MYO10: variants seen among roughly 807,000 people sequenced by gnomAD.
MYO10 encodes the protein unconventional myosin-X.
In MYO10, 133 loss-of-function variants were observed where a neutral mutation model predicts 257.3. The observed-to-expected ratio is 0.52, with a 90% CI of 0.45 to 0.60. MYO10 has a LOEUF of 0.60. MYO10 is among the 20% of genes least tolerant of loss of function. The probability of loss-of-function intolerance (pLI) is 0.00; values close to 1 mark genes in which losing one functional copy is unlikely to be tolerated. For synonymous variants in MYO10, 1,104 were observed against 1,028.6 expected (o/e 1.07, Z -1.40); for missense variants, 2,399 against 2,635.7 (o/e 0.91, Z 1.97).
chr5:16,711,362 A>C, intron 19 of MYO10, 117 bp from the exon 20 acceptor site: 1 of 1,054,122 alleles, frequency 9.5e-7, no homozygotes. Context: ...ACATACGAGA[A>C]TCTTGAACCT....
intron 3 of MYO10, among the ~76,000 whole-genome samples, chr5:16,813,453 G>A (rs910539723): frequency 5.3e-5 from 8 of 151,674 alleles, no homozygotes; most frequent in East Asian, 3.9e-4. Context: ...ATACTCAGGC[G>A]AGAGGATCAC....
intron 17 of MYO10, among the ~76,000 whole-genome samples, chr5:16,758,701 C>A (rs777212683): frequency 1.4e-4 from 21 of 152,128 alleles, no homozygotes; most frequent in Non-Finnish European, 2.4e-4. Context: ...GTTGCTTGGG[C>A]AAGATGTTTC....
intron 9 of MYO10, among the ~76,000 whole-genome samples, chr5:16,775,064 G>A (rs1048868344): frequency 9.9e-5 from 15 of 152,164 alleles, no homozygotes; most frequent in African/African-American, 3.6e-4. Flanking sequence ...AAAGACTCCT[G>A]TTACTTCATA....
chr5:16,787,266 A>C (rs921953428), intron 4 of MYO10, among the ~76,000 whole-genome samples: 3 of 152,166 alleles, frequency 2.0e-5, no homozygotes, highest in Non-Finnish European at 2.9e-5. Context: ...GGACTCTACC[A>C]GGAGGTAAGT....
In MYO10 at chr5:16,861,645, G is replaced by GT. The variant is rs925016840; in HGVS notation, c.120+15963dup. 1.1e-4 allele frequency among the ~76,000 whole-genome samples: 17 copies of GT among 152,280 alleles called. 1 individual carries two copies. Among genetic ancestry groups the GT allele is most frequent in the Admixed American group, 7.9e-4 (12 of 15,286 alleles). Reference sequence around the variant, plus strand: ...CATGAGAACCTTCCAATCTTAAAAAGTAACTTCAAGAGAAAGCATAAATGT... The same window carrying GT: ...CATGAGAACCTTCCAATCTTAAAAAGTTAACTTCAAGAGAAAGCATAAATGT... On this transcript the variant is annotated intron_variant, in intron 2 of 40. Coordinates refer to ENST00000513610, the MANE Select transcript of MYO10 (RefSeq NM_012334.3).
chr5:16,879,506 A>ATATTGAATACTAACCT (rs1340525974), intron 1 of MYO10, among the ~76,000 whole-genome samples: 1 of 152,186 alleles, frequency 6.6e-6, no homozygotes. Context: ...CAATGACATT[A>ATATTGAATACTAACCT]TATTGAATAC....
Position 16,665,754 on chromosome 5 carries a change from T to C in MYO10, c.*938A>G, listed in dbSNP as rs1294500866. 1 of 152,684 alleles carries C rather than the reference T, an allele frequency of 6.5e-6. No homozygotes were observed. The highest frequency in any genetic ancestry group is 2.4e-5 in the African/African-American group (1 of 41,480). The allele number at this position is 152,684 out of a possible 1,614,324, so 9.5% of individuals were successfully genotyped here. A position where few individuals can be genotyped will look rare whatever the true frequency, so the allele number is the denominator to read the frequency against. On this transcript the variant is annotated 3_prime_UTR_variant, in exon 41 of 41. Transcript: ENST00000513610. ...CATGAAAGACTCCAAAATGACTTCA[T>C]TCTTGTTCTAAAACCAGCACTGGAG...
intron 17 of MYO10, among the ~76,000 whole-genome samples, chr5:16,759,815 C>G (rs1022122070): frequency 2.0e-5 from 3 of 152,064 alleles, no homozygotes; most frequent in Non-Finnish European, 4.4e-5. Flanking sequence ...TGAAAACTCA[C>G]CTAAAAATAA....
At chr5:16,852,523 C>A (rs913450593) in intron 2 of MYO10, among the ~76,000 whole-genome samples, 2 of 151,720 alleles carry the variant, frequency 1.3e-5, no homozygotes, top group African/African-American at 4.8e-5. Context: ...AATTTCTTAA[C>A]GGTTTTGTGA....
At chr5:16,903,923 AT>A (rs1745451945) in intron 1 of MYO10, among the ~76,000 whole-genome samples, 1 of 152,184 alleles carries the variant, frequency 6.6e-6, no homozygotes, top group Non-Finnish European at 1.5e-5. Flanking sequence ...TGAAATACAG[AT>A]TTGGTCAGCG....
intron 3 of MYO10, among the ~76,000 whole-genome samples, chr5:16,797,913 T>C (rs918702598): frequency 6.6e-6 from 1 of 152,250 alleles, no homozygotes; most frequent in Non-Finnish European, 1.5e-5. Flanking sequence ...TAATTGCCAT[T>C]GTAACAGTAT....
In MYO10 at chr5:16,679,989, G is replaced by A. The variant is rs2126492073; in HGVS notation, c.4500C>T (p.Ala1500=). 6.2e-7 allele frequency: 1 copy of A among 1,613,916 alleles called. No homozygotes were observed. The highest frequency in any genetic ancestry group is 8.5e-7 in the Non-Finnish European group (1 of 1,179,860). Residue 1500 remains alanine (A), a synonymous_variant, in exon 33 of 41, where the codon GCC becomes GCT. Transcript: ENST00000513610. ...GCTGCTGGGTGGGGGTGTCGATCGG[G>A]GCCTTGGTGTCAGTCACGTTTTGAA... ...SAIQNVTDTK[A]PIDTPTQQLI... is the part of the protein sequence containing the mutation.
At chr5:16,688,697 A>C (rs1048819725) in intron 28 of MYO10, among the ~76,000 whole-genome samples, 1 of 150,956 alleles carries the variant, frequency 6.6e-6, no homozygotes, top group African/African-American at 2.4e-5. Context: ...CCAAGATTGC[A>C]CCAGTGCACT....
intron 36 of MYO10, among the ~76,000 whole-genome samples, chr5:16,673,347 C>CAG (rs112522515): frequency 0.12 from 18,608 of 152,044 alleles, 3,442 homozygotes; most frequent in African/African-American, 0.4. Flanking sequence ...CACGTGCAAA[C>CAG]AAACACTTTG....
rs530289092 is a variant in MYO10, at chr5:16,935,910, G to A, written c.-102C>T. 424 of 1,434,888 alleles carry A rather than the reference G, an allele frequency of 3.0e-4. No individual in the cohort carries two copies. In the African/African-American group the frequency reaches 5.6e-3, roughly 19 times the overall value. The allele number at this position is 1,434,888 out of a possible 1,614,324, so 88.9% of individuals were successfully genotyped here. On this transcript the variant is annotated 5_prime_UTR_variant, in exon 1 of 41. Coordinates refer to ENST00000513610, the MANE Select transcript of MYO10 (RefSeq NM_012334.3). ...CCATGCGTGTCACGGCGCCACTCCC[G>A]AGGACGCGCGCCCGCGGGGCTCCCC...
intron 1 of MYO10, among the ~76,000 whole-genome samples, chr5:16,879,599 G>T (rs1744702635): frequency 6.6e-6 from 1 of 152,144 alleles, no homozygotes; most frequent in African/African-American, 2.4e-5. Context: ...GTGCCACACA[G>T]CTAGTGACCT....
At chr5:16,762,158 T>C (rs1031662896) in intron 15 of MYO10, 45 bp from the exon 16 acceptor site, 2 of 1,454,554 alleles carry the variant, frequency 1.4e-6, no homozygotes, top group African/African-American at 1.5e-5. Flanking sequence ...AATGCCTTAT[T>C]TCACTCACTG....
At chr5:16,766,044 C>G (rs1391748828) in intron 11 of MYO10, 36 bp downstream of exon 11, 1 of 1,478,246 alleles carries the variant, frequency 6.8e-7, no homozygotes, top group Non-Finnish European at 9.5e-7. Flanking sequence ...CCAGGAGTGT[C>G]TAGTAACGCA....
chr5:16,887,048 G>C (rs1744917693), intron 1 of MYO10, among the ~76,000 whole-genome samples: 1 of 151,848 alleles, frequency 6.6e-6, no homozygotes, highest in African/African-American at 2.4e-5. Context: ...TGTAAACTGA[G>C]GCCTGCCTGT....
Sources: allele counts gnomAD v4.1 joint callset (sites outside exome capture counted in the v4.1 genomes callset), GRCh38; gene constraint gnomAD v4.1.1; transcripts MANE v1.5; gene names NCBI Gene and HGNC (gene_info 2026-07-23, HGNC 2026-07-21).